The following IMMP2L variants were observed in gnomAD, a reference collection of about 807,000 sequenced individuals.
IMMP2L encodes the protein mitochondrial inner membrane protease subunit 2.
Under a neutral mutation model 19.3 loss-of-function variants are expected in IMMP2L, and 18 were observed. The observed-to-expected ratio is 0.93, with a 90% CI of 0.64 to 1.38. IMMP2L has a LOEUF of 1.38. Ranked by LOEUF, IMMP2L falls within the 40% of genes most tolerant of loss-of-function variation. IMMP2L has a pLI of 0.00. For missense variants in IMMP2L, 233 were observed against 218.2 expected (o/e 1.07, Z -0.43); for synonymous variants, 76 against 73.0 (o/e 1.04, Z -0.21).
At chr7:111,078,428 G>T (rs1168802606) in intron 3 of IMMP2L, among the ~76,000 whole-genome samples, 2 of 152,118 alleles carry the variant, frequency 1.3e-5, no homozygotes, top group South Asian at 2.1e-4. Flanking sequence ...TGCATTATCT[G>T]CATTATTCAC....
chr7:110,918,452 C>CTTTTTTTTTTTTTTTTTTTTTTT (rs1029668134), intron 4 of IMMP2L, among the ~76,000 whole-genome samples: 3 of 130,488 alleles, frequency 2.3e-5, no homozygotes, highest in Non-Finnish European at 3.3e-5. Context: ...TTCTTTTTTT[C>CTTTTTTTTTTTTTTTTTTTTTTT]TTTTTTTTTT....
chr7:111,186,696 G>A (rs1236805212), intron 3 of IMMP2L, among the ~76,000 whole-genome samples: 1 of 152,108 alleles, frequency 6.6e-6, no homozygotes, highest in Non-Finnish European at 1.5e-5. Context: ...CTCCCAGAGT[G>A]TTGGGATTAC....
intron 5 of IMMP2L, among the ~76,000 whole-genome samples, chr7:110,879,483 TA>T (rs1809427330): frequency 6.6e-6 from 1 of 152,146 alleles, no homozygotes; most frequent in South Asian, 2.1e-4. Context: ...GCTTCAGATA[TA>T]AGTACTGTAA....
chr7:111,240,112 T>C (rs984077337), intron 3 of IMMP2L, among the ~76,000 whole-genome samples: 4 of 151,880 alleles, frequency 2.6e-5, no homozygotes, highest in African/African-American at 9.7e-5. Flanking sequence ...TAGTAGCAGC[T>C]CTTAAGGAAA....
intron 3 of IMMP2L, among the ~76,000 whole-genome samples, chr7:111,204,830 A>T (rs1810526640): frequency 1.3e-5 from 2 of 152,338 alleles, no homozygotes; most frequent in African/African-American, 4.8e-5. Flanking sequence ...GCTTTTATTG[A>T]TGTAGTCATT....
chr7:111,443,593 C>A (rs1837968635), intron 3 of IMMP2L, among the ~76,000 whole-genome samples: 1 of 152,148 alleles, frequency 6.6e-6, no homozygotes, highest in Non-Finnish European at 1.5e-5. Flanking sequence ...TCTTCCCAGT[C>A]CAGACTGCAC....
In IMMP2L at chr7:111,225,136, T is replaced by G. The variant is rs77674705; in HGVS notation, c.240-261571A>C. On this transcript the variant is annotated intron_variant, in intron 3 of 5. Transcript: ENST00000405709. ...TAAGCTATTATTATTTAGACTTGGA[T>G]TTTTGGCAGACATTTTCACAAAAAT... Among the ~76,000 whole-genome samples, 395 of 152,224 alleles carry G rather than the reference T, an allele frequency of 2.6e-3. 18 individuals are homozygous for G. In the East Asian group the frequency reaches 0.059, roughly 23 times the overall value.
At chr7:110,864,915 T>A (rs557853654) in intron 5 of IMMP2L, among the ~76,000 whole-genome samples, 28 of 152,154 alleles carry the variant, frequency 1.8e-4, no homozygotes, top group African/African-American at 6.7e-4. Flanking sequence ...TCCCATGTGC[T>A]GTGATCCATT....
chr7:110,701,445 A>G (rs1454350980), intron 5 of IMMP2L, among the ~76,000 whole-genome samples: 4 of 151,806 alleles, frequency 2.6e-5, no homozygotes, highest in Admixed American at 2.6e-4. Flanking sequence ...GTTTTTTTAG[A>G]TGGAGTTTCT....
chr7:111,491,060 T>C (rs899345259), intron 2 of IMMP2L, among the ~76,000 whole-genome samples: 2 of 152,066 alleles, frequency 1.3e-5, no homozygotes, highest in African/African-American at 4.8e-5. Flanking sequence ...TCCTCCTCCT[T>C]AGCCTACTCA....
chr7:111,529,972 ACAT>A (rs1313066919), intron 1 of IMMP2L, among the ~76,000 whole-genome samples: 2 of 152,216 alleles, frequency 1.3e-5, no homozygotes, highest in Non-Finnish European at 2.9e-5. Flanking sequence ...CAACTTGCAA[ACAT>A]CATGCATTTA....
At chr7:110,799,913 A>G (rs1236616053) in intron 5 of IMMP2L, among the ~76,000 whole-genome samples, 1 of 152,066 alleles carries the variant, frequency 6.6e-6, no homozygotes, top group Non-Finnish European at 1.5e-5. Context: ...CTCTACTGTA[A>G]ATCACTCCAT....
intron 3 of IMMP2L, among the ~76,000 whole-genome samples, chr7:110,975,335 A>G (rs995543267): frequency 1.3e-5 from 2 of 152,106 alleles, no homozygotes; most frequent in Admixed American, 6.6e-5. Flanking sequence ...CAAAAATCCA[A>G]TCTAGTCACT....
chr7:111,279,591 T>G (rs558747068), intron 3 of IMMP2L, among the ~76,000 whole-genome samples: 1 of 152,304 alleles, frequency 6.6e-6, no homozygotes, highest in Admixed American at 6.5e-5. Context: ...ATTTTACAGT[T>G]TTGTCATCTA....
chr7:111,166,856 T>C (rs1053905184), intron 3 of IMMP2L, among the ~76,000 whole-genome samples: 1 of 152,004 alleles, frequency 6.6e-6, no homozygotes, highest in Non-Finnish European at 1.5e-5. Context: ...GTCTCTTCTG[T>C]GTCTCCTTCA....
intron 5 of IMMP2L, among the ~76,000 whole-genome samples, chr7:110,729,480 G>T (rs1429260088): frequency 6.6e-6 from 1 of 152,162 alleles, no homozygotes; most frequent in African/African-American, 2.4e-5. Flanking sequence ...CTCCCACTGG[G>T]TCCCTCCCTC....
chr7:111,541,412 A>G (rs534096775), intron 1 of IMMP2L, among the ~76,000 whole-genome samples: 123 of 152,310 alleles, frequency 8.1e-4, no homozygotes, highest in Middle Eastern at 3.4e-3. Flanking sequence ...CATTTAGGGA[A>G]GTTTCTAACA....
At chr7:111,061,852 C>T (rs138477068) in intron 3 of IMMP2L, among the ~76,000 whole-genome samples, 2 of 152,274 alleles carry the variant, frequency 1.3e-5, no homozygotes, top group African/African-American at 4.8e-5. Context: ...CTATGTTCTT[C>T]TTCTTTACTT....
chr7:110,724,902 G>A (rs1161089523), intron 5 of IMMP2L, among the ~76,000 whole-genome samples: 2 of 152,144 alleles, frequency 1.3e-5, no homozygotes, highest in Admixed American at 6.6e-5. Context: ...GCTGTGAGAT[G>A]TTAAAACCTG....
Sources: allele counts gnomAD v4.1 joint callset (sites outside exome capture counted in the v4.1 genomes callset), GRCh38; gene constraint gnomAD v4.1.1; transcripts MANE v1.5; gene names NCBI Gene and HGNC (gene_info 2026-07-23, HGNC 2026-07-21).